ARHGAP15: variants seen among roughly 807,000 people sequenced by gnomAD.
The protein encoded by ARHGAP15 is Rho GTPase activating protein 15, also known as rho GTPase-activating protein 15.
A neutral mutation model predicts 63.7 loss-of-function variants in ARHGAP15; 51 were observed. That is an observed-to-expected ratio of 0.80 (90% confidence interval 0.64 to 1.01). ARHGAP15 has a LOEUF of 1.01. Ranked by LOEUF, ARHGAP15 falls within the 50% of genes least tolerant of loss-of-function variation. The pLI, the probability that ARHGAP15 is intolerant of heterozygous loss-of-function variation, is 0.00. For synonymous variants in ARHGAP15, 191 were observed against 193.8 expected (o/e 0.99, Z 0.12); for missense variants, 560 against 564.6 (o/e 0.99, Z 0.08).
intron 6 of ARHGAP15, among the ~76,000 whole-genome samples, chr2:143,387,217 A>G (rs2104956830): frequency 6.6e-6 from 1 of 152,306 alleles, no homozygotes; most frequent in Admixed American, 6.5e-5. Flanking sequence ...TAGTGATTGC[A>G]CATTTTGTAA....
chr2:143,268,526 A>G (rs975990593), intron 6 of ARHGAP15, among the ~76,000 whole-genome samples: 9 of 152,212 alleles, frequency 5.9e-5, no homozygotes, highest in Admixed American at 5.9e-4. Flanking sequence ...CACCTTGTAT[A>G]AATCATTTTT....
At chr2:143,266,415 G>A (rs1347488478) in intron 6 of ARHGAP15, among the ~76,000 whole-genome samples, 1 of 152,088 alleles carries the variant, frequency 6.6e-6, no homozygotes, top group Non-Finnish European at 1.5e-5. Flanking sequence ...TATGTAGAGT[G>A]CTTACTTTCT....
chr2:143,444,023 G>A (rs1312919064), intron 8 of ARHGAP15, among the ~76,000 whole-genome samples: 4 of 152,140 alleles, frequency 2.6e-5, no homozygotes, highest in Admixed American at 2.6e-4. Context: ...ACCTGTGGAT[G>A]TCCATTGTCG....
At chr2:143,271,823 A>T (rs1378652425) in intron 6 of ARHGAP15, among the ~76,000 whole-genome samples, 1 of 152,076 alleles carries the variant, frequency 6.6e-6, no homozygotes, top group Admixed American at 6.5e-5. Context: ...GTTCTAACAA[A>T]CTCATTCACT....
intron 9 of ARHGAP15, among the ~76,000 whole-genome samples, chr2:143,510,018 TAAAAAAA>T (rs35469918): frequency 2.6e-3 from 128 of 48,834 alleles, no homozygotes; most frequent in Non-Finnish European, 3.8e-3. Flanking sequence ...GACTCCCTCT[TAAAAAAA>T]AAAAAAAAAA....
rs139771936 is a variant in ARHGAP15 at position 143,158,419 on chromosome 2, T to C, written c.165+2764T>C. Among the ~76,000 whole-genome samples, 97 of 152,070 alleles carry C rather than the reference T, an allele frequency of 6.4e-4. 1 individual carries two copies. The highest frequency in any genetic ancestry group is 2.1e-3 in the African/African-American group (87 of 41,542). On this transcript the variant is annotated intron_variant, in intron 2 of 13. Coordinates refer to ENST00000295095, the MANE Select transcript of ARHGAP15 (RefSeq NM_018460.4). The stretch of plus-strand genomic sequence containing the variant: ...AATTTACTTGCTAAGTTAGAAATTT[T>C]GATAACCTAAATGTTGCAGGAAAGC...
chr2:143,272,577 C>T (rs1275716808), intron 6 of ARHGAP15, among the ~76,000 whole-genome samples: 1 of 152,112 alleles, frequency 6.6e-6, no homozygotes, highest in African/African-American at 2.4e-5. Context: ...TGCTTGATCC[C>T]AGGAGACAGA....
chr2:143,467,242 C>CTTTTTTTTTTTTTTTTTTTTTTTTTTT (rs202115707), intron 8 of ARHGAP15, among the ~76,000 whole-genome samples: 4 of 57,892 alleles, frequency 6.9e-5, no homozygotes, highest in Non-Finnish European at 9.0e-5. Flanking sequence ...ACTCCATGGC[C>CTTTTTTTTTTTTTTTTTTTTTTTTTTT]TTTTTTTTTT....
chr2:143,626,460 C>A (rs959366548), intron 12 of ARHGAP15, among the ~76,000 whole-genome samples: 1 of 152,108 alleles, frequency 6.6e-6, no homozygotes, highest in Non-Finnish European at 1.5e-5. Flanking sequence ...GTGAGTGTTA[C>A]AGCTCTTTAA....
At chr2:143,523,276 T>C (rs1273014120) in intron 10 of ARHGAP15, among the ~76,000 whole-genome samples, 2 of 152,016 alleles carry the variant, frequency 1.3e-5, no homozygotes, top group East Asian at 1.9e-4. Flanking sequence ...TGATAAGTAC[T>C]ATGAGAGAAA....
chr2:143,660,221 T>C (rs1286160852), intron 12 of ARHGAP15, among the ~76,000 whole-genome samples: 1 of 152,210 alleles, frequency 6.6e-6, no homozygotes, highest in African/African-American at 2.4e-5. Flanking sequence ...TTTTTTAAAT[T>C]GTATCAATAC....
At chr2:143,616,903 T>C (rs141477958) in intron 11 of ARHGAP15, among the ~76,000 whole-genome samples, 14 of 152,306 alleles carry the variant, frequency 9.2e-5, no homozygotes, top group Non-Finnish European at 2.1e-4. Context: ...TGAGTTGAGT[T>C]TTTCCTGAGG....
chr2:143,132,779 A>C (rs533698535), intron 1 of ARHGAP15, among the ~76,000 whole-genome samples: 15 of 152,346 alleles, frequency 9.8e-5, no homozygotes, highest in Admixed American at 5.9e-4. Flanking sequence ...TCACATTTTA[A>C]ACAGTCATTA....
intron 13 of ARHGAP15, among the ~76,000 whole-genome samples, chr2:143,707,081 T>A (rs1295164705): frequency 6.6e-6 from 1 of 152,142 alleles, no homozygotes; most frequent in Non-Finnish European, 1.5e-5. Flanking sequence ...TAGGGAATCG[T>A]TAACCTTTTA....
At chr2:143,565,915 C>T (rs4609991) in intron 11 of ARHGAP15, among the ~76,000 whole-genome samples, 36 of 152,278 alleles carry the variant, frequency 2.4e-4, no homozygotes, top group African/African-American at 8.4e-4. Flanking sequence ...ACACAAGGAT[C>T]CCTGTTGCTG....
At chr2:143,683,434 G>GA (rs145839049) in intron 12 of ARHGAP15, among the ~76,000 whole-genome samples, 39,550 of 149,900 alleles carry the variant, frequency 0.26, 6,301 homozygotes, top group Non-Finnish European at 0.36. Flanking sequence ...TTCTGCTTTT[G>GA]AAAAAAAAAC....
chr2:143,264,614 G>A (rs1167678716), intron 6 of ARHGAP15, among the ~76,000 whole-genome samples: 3 of 151,954 alleles, frequency 2.0e-5, no homozygotes, highest in African/African-American at 7.3e-5. Flanking sequence ...CGGGCTTGTG[G>A]TCATATCACC....
At chr2:143,644,480 A>C (rs903186064) in intron 12 of ARHGAP15, among the ~76,000 whole-genome samples, 1 of 152,070 alleles carries the variant, frequency 6.6e-6, no homozygotes, top group Non-Finnish European at 1.5e-5. Context: ...GGCAAAGATC[A>C]GAGAGAACTT....
At chr2:143,605,858 C>CAAAAAAAA (rs373847590) in intron 11 of ARHGAP15, among the ~76,000 whole-genome samples, 2,599 of 84,990 alleles carry the variant, frequency 0.031, 181 homozygotes, top group Admixed American at 0.076. Flanking sequence ...TACTAAAATA[C>CAAAAAAAA]AAAAAAAAAA....
Sources: allele counts gnomAD v4.1 joint callset (sites outside exome capture counted in the v4.1 genomes callset), GRCh38; gene constraint gnomAD v4.1.1; transcripts MANE v1.5; gene names NCBI Gene and HGNC (gene_info 2026-07-23, HGNC 2026-07-21).